ZNF57: variants seen among roughly 807,000 people sequenced by gnomAD.
ZNF57 encodes zinc finger protein 57, also known as zinc finger protein 424.
ZNF57 carries 11 observed loss-of-function variants against 13.4 expected under a neutral mutation model. The observed-to-expected ratio is 0.82, with a 90% CI of 0.52 to 1.36. ZNF57 has a LOEUF of 1.36. Ranked by LOEUF, ZNF57 falls within the 40% of genes most tolerant of loss-of-function variation. ZNF57 has a pLI of 0.00. For missense variants in ZNF57, 696 were observed against 667.5 expected, an observed-to-expected ratio of 1.04 and a Z score of -0.47; for synonymous variants, 224 against 238.5, an observed-to-expected ratio of 0.94 and a Z score of 0.56.
chr19:2,901,139 G>C (rs1253476953), intron 1 of ZNF57, 91 bp downstream of exon 1: 1 of 1,459,762 alleles, frequency 6.9e-7, no homozygotes, highest in Non-Finnish European at 9.2e-7. Context: ...GGCCGGGATT[G>C]GCTGAGGGAC....
chr19:2,901,876 CAGTT>C (rs1175145473), intron 1 of ZNF57, among the ~76,000 whole-genome samples: 1 of 152,012 alleles, frequency 6.6e-6, no homozygotes, highest in Non-Finnish European at 1.5e-5. Context: ...TTTTTGAGGA[CAGTT>C]GGTGGGTGTT....
In ZNF57 at chr19:2,917,397, G is replaced by A. The variant is rs747004524; in HGVS notation, c.776G>A (p.Arg259Lys). 4 of 1,614,076 alleles carry A rather than the reference G, an allele frequency of 2.5e-6. No individual in the cohort carries two copies. The highest frequency in any genetic ancestry group is 3.4e-6 in the Non-Finnish European group (4 of 1,180,054). ...DRPYKCQECG[R>K]AFIYPSTFQR... is the part of the protein sequence containing the mutation. ...CCATATAAATGTCAGGAATGTGGGA[G>A]AGCCTTCATTTATCCCTCGACATTT... The change falls in exon 4 of 4, where the codon AGA (arginine) becomes AAA (lysine). Residue 259 changes from arginine (R) to lysine (K), a missense_variant. By Grantham distance (26) the Arg-to-Lys change is conservative (BLOSUM62 2). Around this residue, in one of 3 missense-constraint regions of ZNF57, gnomAD observed 645 missense variants for 591.5 expected, o/e 1.09. Coordinates refer to ENST00000306908, the MANE Select transcript of ZNF57 (RefSeq NM_173480.3).
chr19:2,905,778 AAAG>A (rs2088070405), intron 1 of ZNF57, among the ~76,000 whole-genome samples: 1 of 150,780 alleles, frequency 6.6e-6, no homozygotes, highest in Non-Finnish European at 1.5e-5. Context: ...AAAAAAAAAA[AAAG>A]AATTGTCCCT....
At chr19:2,915,308 A>AG in intron 1 of ZNF57, 1 of 516,518 alleles carries the variant, frequency 1.9e-6, no homozygotes. Flanking sequence ...AAATAAGAGC[A>AG]GTCGCAGTAA....
chr19:2,912,124 A>G (rs1412100966), intron 1 of ZNF57: 1 of 152,182 alleles, frequency 6.6e-6, no homozygotes, highest in East Asian at 1.9e-4. Context: ...TGATCCTTTG[A>G]TGACGTCTCA....
Position 2,909,230 on chromosome 19 carries a change from ATAC to A in ZNF57, c.4-6289_4-6287del, listed in dbSNP as rs1353650671. ...TTAGGAGTGGAATTTCCATTTGATA[ATAC>A]TATGTTAACTTTTTTTCCTTATAAT... On this transcript the variant is annotated intron_variant, in intron 1 of 3. Coordinates refer to ENST00000306908, the MANE Select transcript of ZNF57 (RefSeq NM_173480.3). Among the ~76,000 whole-genome samples, 9 of 150,420 alleles carry A rather than the reference ATAC, an allele frequency of 6.0e-5. No individual in the cohort carries two copies. The East Asian group carries it at 1.7e-3, about 29-fold the overall frequency.
rs1438257763 is a variant in ZNF57 at position 2,900,934 on chromosome 19, G to C, written c.-112G>C. ...GAGGGCGGGACGTTTCGTCCTCCCT[G>C]CCGCGCGTGCCCTGCCTACCACGAG... On this transcript the variant is annotated 5_prime_UTR_variant, in exon 1 of 4. Transcript: ENST00000306908. The C allele has an allele frequency of 6.4e-6, 9 of 1,416,604 alleles. No homozygotes were observed. The African/African-American group carries it at 1.0e-4, about 16-fold the overall frequency. The allele number at this position is 1,416,604 out of a possible 1,614,324, so 87.8% of individuals were successfully genotyped here. A position where few individuals can be genotyped will look rare whatever the true frequency, so the allele number is the denominator to read the frequency against.
At chr19:2,904,097 A>G (rs1227942188) in intron 1 of ZNF57, among the ~76,000 whole-genome samples, 6 of 152,118 alleles carry the variant, frequency 3.9e-5, no homozygotes, top group Non-Finnish European at 8.8e-5. Flanking sequence ...TCCTGGACTC[A>G]AGCGATCTGC....
chr19:2,911,458 G>T (rs924762227), intron 1 of ZNF57, among the ~76,000 whole-genome samples: 1 of 152,044 alleles, frequency 6.6e-6, no homozygotes, highest in Admixed American at 6.6e-5. Context: ...TCCTGAACCC[G>T]AGAGGCAGAG....
chr19:2,910,483 C>T (rs1192867136), intron 1 of ZNF57, among the ~76,000 whole-genome samples: 1 of 33,396 alleles, frequency 3.0e-5, no homozygotes, highest in African/African-American at 7.5e-5. Flanking sequence ...TTTTTTGAGA[C>T]AGAGTCTCAC....
At chr19:2,911,862 T>C (rs1173091047) in intron 1 of ZNF57, among the ~76,000 whole-genome samples, 2 of 152,238 alleles carry the variant, frequency 1.3e-5, no homozygotes, top group Non-Finnish European at 2.9e-5. Context: ...TTTTTGCATG[T>C]TGTCTACTTT....
intron 1 of ZNF57, among the ~76,000 whole-genome samples, chr19:2,904,014 C>A (rs2144918326): frequency 6.6e-6 from 1 of 152,314 alleles, no homozygotes; most frequent in South Asian, 2.1e-4. Flanking sequence ...CGCGCCCGGC[C>A]CATTCCTGGC....
chr19:2,918,363 G>C lies in ZNF57; in HGVS notation c.*74G>C, dbSNP rs984670718. The C allele has an allele frequency of 8.0e-5, 117 of 1,454,820 alleles. No individual in the cohort carries two copies. The highest frequency in any genetic ancestry group is 3.3e-4 in the African/African-American group (23 of 70,418). The allele number at this position is 1,454,820 out of a possible 1,614,324, so 90.1% of individuals were successfully genotyped here. A position where few individuals can be genotyped will look rare whatever the true frequency, so the allele number is the denominator to read the frequency against. On this transcript the variant is annotated 3_prime_UTR_variant, in exon 4 of 4. Transcript: ENST00000306908. ...TAATGCTCCAGAAAATTCACACCAG[G>C]AGAGAAATCTTACAAGTATGATATT...
chr19:2,900,979 C>T lies in ZNF57; in HGVS notation c.-67C>T, dbSNP rs1248424399. 66 of 1,548,220 alleles carry T rather than the reference C, an allele frequency of 4.3e-5. No individual in the cohort carries two copies. Among genetic ancestry groups the T allele is most frequent in the Non-Finnish European group, 5.5e-5 (63 of 1,145,272 alleles). On this transcript the variant is annotated 5_prime_UTR_variant, in exon 1 of 4. Transcript: ENST00000306908. ...CACGAGCGGCCCGGGAGTACCTGTA[C>T]CTTTCAGCTGCGCCGGCCGCGAGGC... is the stretch of plus-strand genomic sequence containing the variant.
chr19:2,915,952 T>TTTG, intron 2 of ZNF57, 126 bp from the exon 3 acceptor site: 1 of 1,096,724 alleles, frequency 9.1e-7, no homozygotes, highest in Non-Finnish European at 1.3e-6. Context: ...GTTTGTGAAA[T>TTTG]ACCTAACATT....
Position 2,918,301 on chromosome 19 carries a change from A to G in ZNF57, c.*12A>G, listed in dbSNP as rs372752121. The G allele has an allele frequency of 8.5e-5, 133 of 1,572,436 alleles. No individual in the cohort carries two copies. The highest frequency in any genetic ancestry group is 1.7e-4 in the Middle Eastern group (1 of 5,866). On this transcript the variant is annotated 3_prime_UTR_variant, in exon 4 of 4. Transcript: ENST00000306908. ...AGAGCACACACTAAAGAGAAATTCT[A>G]TAACTTTAATGGGGTAACCTCACAT...
intron 1 of ZNF57, among the ~76,000 whole-genome samples, chr19:2,914,540 C>T (rs1385709736): frequency 6.6e-6 from 1 of 152,226 alleles, no homozygotes; most frequent in East Asian, 1.9e-4. Context: ...CAGGCGTGAG[C>T]CACTGCACCC....
intron 1 of ZNF57, among the ~76,000 whole-genome samples, chr19:2,909,474 G>T (rs2144925945): frequency 3.7e-5 from 2 of 53,708 alleles, no homozygotes; most frequent in Admixed American, 4.1e-4. Flanking sequence ...TAGAGACGGG[G>T]TTTCACCATG....
intron 1 of ZNF57, among the ~76,000 whole-genome samples, chr19:2,905,415 C>CCCA (rs1555677397): frequency 2.8e-5 from 2 of 71,808 alleles, no homozygotes; most frequent in African/African-American, 4.8e-5. Context: ...TCGCCCCCCC[C>CCCA]CCCTCGGCAT....
Sources: gnomAD v4.1 joint callset for allele counts (sites outside exome capture counted in the v4.1 genomes callset) on GRCh38, gnomAD v4.1.1 for gene constraint, gnomAD v4.1.1 regional missense constraint, MANE v1.5 for transcripts, NCBI Gene and HGNC (gene_info 2026-07-23, HGNC 2026-07-21) for gene names.